The following DPP10 variants were observed in gnomAD, a reference collection of about 807,000 sequenced individuals.
DPP10 encodes dipeptidyl peptidase like 10.
Under a neutral mutation model 120.9 loss-of-function variants are expected in DPP10, and 33 were observed. The ratio of observed to expected loss-of-function variants is 0.27; its 90% CI spans 0.21 to 0.37. The LOEUF (loss-of-function observed/expected upper bound fraction) is 0.37. Among genes scored for constraint, DPP10 ranks in the 10% least tolerant of loss-of-function variants. The pLI is 1.00. For missense variants in DPP10, 816 were observed against 942.8 expected (o/e 0.87, Z 1.76); for synonymous variants, 337 against 326.1 (o/e 1.03, Z -0.36).
intron 8 of DPP10, among the ~76,000 whole-genome samples, chr2:115,732,942 A>G (rs751565196): frequency 6.6e-6 from 1 of 152,178 alleles, no homozygotes; most frequent in Non-Finnish European, 1.5e-5. Context: ...TAAACAATAA[A>G]CAACTATTGT....
At chr2:115,703,067 A>T (rs1484943573) in intron 7 of DPP10, among the ~76,000 whole-genome samples, 1 of 152,046 alleles carries the variant, frequency 6.6e-6, no homozygotes, top group Non-Finnish European at 1.5e-5. Flanking sequence ...TTGTATCACG[A>T]AGAATGGAAT....
At chr2:115,589,074 G>A (rs536672701) in intron 5 of DPP10, among the ~76,000 whole-genome samples, 3 of 152,270 alleles carry the variant, frequency 2.0e-5, no homozygotes, top group African/African-American at 4.8e-5. Flanking sequence ...CACTTGACCA[G>A]TGTTCGTTTT....
intron 1 of DPP10, among the ~76,000 whole-genome samples, chr2:114,590,891 G>A (rs1317443436): frequency 1.3e-5 from 2 of 152,110 alleles, no homozygotes; most frequent in South Asian, 4.1e-4. Context: ...ATTAGCTTTT[G>A]AAATTCACTA....
chr2:115,231,692 A>G (rs890814420), intron 1 of DPP10, among the ~76,000 whole-genome samples: 1 of 152,208 alleles, frequency 6.6e-6, no homozygotes, highest in East Asian at 1.9e-4. Context: ...GTTTGTAACA[A>G]GCGTTAGCCC....
intron 1 of DPP10, among the ~76,000 whole-genome samples, chr2:114,801,957 C>A (rs116214107): frequency 6.6e-6 from 1 of 152,102 alleles, no homozygotes; most frequent in Non-Finnish European, 1.5e-5. Context: ...CCTTGCTGTG[C>A]GAACAGAGAA....
At chr2:115,601,982 A>G (rs1470494981) in intron 5 of DPP10, among the ~76,000 whole-genome samples, 2 of 152,084 alleles carry the variant, frequency 1.3e-5, no homozygotes, top group African/African-American at 2.4e-5. Flanking sequence ...CGCCCGGCCA[A>G]TTGTGTAACT....
At chr2:115,515,770 T>A (rs2148856896) in intron 4 of DPP10, among the ~76,000 whole-genome samples, 1 of 152,184 alleles carries the variant, frequency 6.6e-6, no homozygotes, top group South Asian at 2.1e-4. Context: ...TGTCTATAAT[T>A]AACTCATTCA....
intron 1 of DPP10, among the ~76,000 whole-genome samples, chr2:114,954,451 A>G (rs886275775): frequency 6.6e-6 from 1 of 152,166 alleles, no homozygotes; most frequent in Non-Finnish European, 1.5e-5. Flanking sequence ...AACTTATGGC[A>G]TGGAGCAACA....
intron 5 of DPP10, among the ~76,000 whole-genome samples, chr2:115,659,086 T>G (rs1351958723): frequency 6.6e-6 from 1 of 152,110 alleles, no homozygotes; most frequent in East Asian, 1.9e-4. Context: ...GAGAGCAGAT[T>G]CCTGATAAAA....
At chr2:115,720,857 G>A (rs1467238032) in intron 7 of DPP10, among the ~76,000 whole-genome samples, 1 of 152,126 alleles carries the variant, frequency 6.6e-6, no homozygotes, top group African/African-American at 2.4e-5. Flanking sequence ...AAGGTCTAAG[G>A]TTCCAGATAA....
chr2:115,313,596 C>A lies in DPP10; in HGVS notation c.175+4243C>A, dbSNP rs2106051827. 2.0e-5 allele frequency among the ~76,000 whole-genome samples: 3 copies of A among 152,270 alleles called. No homozygotes were observed. The East Asian group carries it at 5.8e-4, about 29-fold the overall frequency. On this transcript the variant is annotated intron_variant, in intron 2 of 25. Coordinates refer to ENST00000410059, the MANE Select transcript of DPP10 (RefSeq NM_020868.6). ...AGAAACTGTTTTACTCAAAATAGCA[C>A]ACAATTTGCAGGTAAGTCTAAGGAA...
At chr2:115,675,889 G>A (rs1215075236) in intron 5 of DPP10, among the ~76,000 whole-genome samples, 1 of 152,122 alleles carries the variant, frequency 6.6e-6, no homozygotes, top group East Asian at 1.9e-4. Flanking sequence ...CATCCCTGGG[G>A]CCTGACATCC....
At chr2:115,764,462 C>T (rs1005391111) in intron 12 of DPP10, among the ~76,000 whole-genome samples, 1 of 151,902 alleles carries the variant, frequency 6.6e-6, no homozygotes, top group Non-Finnish European at 1.5e-5. Flanking sequence ...ATAATAGACT[C>T]ACAAATTTCG....
intron 1 of DPP10, among the ~76,000 whole-genome samples, chr2:115,146,885 C>T (rs2051253537): frequency 6.6e-6 from 1 of 152,062 alleles, no homozygotes; most frequent in Non-Finnish European, 1.5e-5. Flanking sequence ...CGCCAGACTC[C>T]AAATGTGCCA....
chr2:115,015,389 A>G (rs531561713), intron 1 of DPP10, among the ~76,000 whole-genome samples: 3 of 152,334 alleles, frequency 2.0e-5, no homozygotes, highest in South Asian at 4.1e-4. Context: ...CCCACAGCCT[A>G]TATCATACTG....
intron 1 of DPP10, among the ~76,000 whole-genome samples, chr2:114,852,065 C>T (rs1413154263): frequency 2.0e-5 from 3 of 151,184 alleles, no homozygotes; most frequent in African/African-American, 7.3e-5. Context: ...TTTGCAGCCT[C>T]ATCCTCTATC....
At chr2:115,414,561 A>G (rs1521073) in intron 3 of DPP10, among the ~76,000 whole-genome samples, 4,705 of 152,188 alleles carry the variant, frequency 0.031, 244 homozygotes, top group African/African-American at 0.11. Flanking sequence ...TATGAAACTG[A>G]TATGTATTTT....
chr2:115,381,743 C>G (rs1273537241), intron 3 of DPP10, among the ~76,000 whole-genome samples: 1 of 151,992 alleles, frequency 6.6e-6, no homozygotes, highest in Non-Finnish European at 1.5e-5. Flanking sequence ...TGTGGATGTC[C>G]TTTCTGTTTG....
chr2:115,502,526 C>CT (rs1207680361), intron 4 of DPP10, among the ~76,000 whole-genome samples: 1 of 152,118 alleles, frequency 6.6e-6, no homozygotes, highest in African/African-American at 2.4e-5. Flanking sequence ...TAAGTATTAG[C>CT]TGTACTCTTT....
Sources: gnomAD v4.1 joint callset for allele counts (sites outside exome capture counted in the v4.1 genomes callset) on GRCh38, gnomAD v4.1.1 for gene constraint, MANE v1.5 for transcripts, NCBI Gene and HGNC (gene_info 2026-07-23, HGNC 2026-07-21) for gene names.